The following RUNDC3B variants were observed in gnomAD, a reference collection of about 807,000 sequenced individuals.
The protein encoded by RUNDC3B is RUN domain containing 3B, also known as RUN domain-containing protein 3B.
In RUNDC3B, 33 loss-of-function variants were observed where a neutral mutation model predicts 58.4. That is an observed-to-expected ratio of 0.56 (90% CI 0.43 to 0.75). The LOEUF (loss-of-function observed/expected upper bound fraction) is 0.75, where lower values mean the gene tolerates loss of function less well. Ranked by LOEUF, RUNDC3B falls within the 30% of genes least tolerant of loss-of-function variation. The pLI, the probability that RUNDC3B is intolerant of heterozygous loss-of-function variation, is 0.00. For missense variants in RUNDC3B, 501 were observed against 535.7 expected, an observed-to-expected ratio of 0.94 and a Z score of 0.64; for synonymous variants, 193 against 195.2, an observed-to-expected ratio of 0.99 and a Z score of 0.10.
In RUNDC3B at chr7:87,820,503, A is replaced by G. The variant is rs949935674; in HGVS notation, c.1225+4241A>G. ...ATTCCTTCTGAAACTATTCCAATCA[A>G]TAGAAAAAGAGAGAATCCTCCCTAA... On this transcript the variant is annotated intron_variant, in intron 10 of 10. Transcript: ENST00000394654. 2.0e-5 allele frequency among the ~76,000 whole-genome samples: 3 copies of G among 152,192 alleles called. No homozygotes were observed. In the South Asian group the frequency reaches 6.2e-4, roughly 31 times the overall value.
chr7:87,649,513 G>A (rs1335287451), intron 1 of RUNDC3B, among the ~76,000 whole-genome samples: 1 of 152,132 alleles, frequency 6.6e-6, no homozygotes, highest in African/African-American at 2.4e-5. Flanking sequence ...GTTTGTGCTA[G>A]GAATATGCAG....
chr7:87,787,056 G>A (rs1426467954), intron 8 of RUNDC3B, among the ~76,000 whole-genome samples: 1 of 152,066 alleles, frequency 6.6e-6, no homozygotes. Context: ...TAGGCATAAG[G>A]CATAAATTGG....
In RUNDC3B at chr7:87,720,542, A is replaced by ATGTGTGTGTG. The variant is rs3028189; in HGVS notation, c.458+9911_458+9920dup. On this transcript the variant is annotated intron_variant, in intron 4 of 10. Coordinates refer to ENST00000394654, the MANE Select transcript of RUNDC3B (RefSeq NM_001134405.2). ...CAAATTTAAGCAGAAGATAGGATAT[A>ATGTGTGTGTG]TGTGTGTGTGTGTGTGTGTGTGTGT... Among the ~76,000 whole-genome samples the ATGTGTGTGTG allele has an allele frequency of 6.1e-3, 885 of 145,256 alleles. 3 individuals carry two copies. Among genetic ancestry groups the ATGTGTGTGTG allele is most frequent in the Non-Finnish European group, 9.0e-3 (594 of 66,222 alleles).
intron 9 of RUNDC3B, among the ~76,000 whole-genome samples, chr7:87,808,430 T>A (rs537644326): frequency 6.6e-6 from 1 of 152,176 alleles, no homozygotes; most frequent in South Asian, 2.1e-4. Flanking sequence ...ACAAGGAATA[T>A]TTTAGTACAA....
chr7:87,736,196 T>C (rs1350281371), intron 4 of RUNDC3B, among the ~76,000 whole-genome samples: 1 of 152,172 alleles, frequency 6.6e-6, no homozygotes, highest in East Asian at 1.9e-4. Flanking sequence ...TAATGAAATT[T>C]CTTTGGTTTA....
chr7:87,825,368 T>G (rs1353952900), intron 10 of RUNDC3B, among the ~76,000 whole-genome samples: 1 of 152,156 alleles, frequency 6.6e-6, no homozygotes, highest in Non-Finnish European at 1.5e-5. Flanking sequence ...CCACGTGGTG[T>G]TGAGCCTGCA....
chr7:87,711,288 T>C (rs1830060951), intron 4 of RUNDC3B, among the ~76,000 whole-genome samples: 1 of 151,938 alleles, frequency 6.6e-6, no homozygotes, highest in South Asian at 2.1e-4. Context: ...ATTGAGCCAT[T>C]GCACCGCAGC....
At chr7:87,683,479 C>T (rs1331275211) in intron 2 of RUNDC3B, among the ~76,000 whole-genome samples, 1 of 152,058 alleles carries the variant, frequency 6.6e-6, no homozygotes, top group East Asian at 1.9e-4. Context: ...ACTTAGAGGC[C>T]ATTATAGGAT....
intron 4 of RUNDC3B, among the ~76,000 whole-genome samples, chr7:87,730,089 T>A (rs1471732326): frequency 6.6e-6 from 1 of 152,144 alleles, no homozygotes; most frequent in African/African-American, 2.4e-5. Context: ...ACCCAGGCAG[T>A]TCTCACCACA....
intron 9 of RUNDC3B, 73 bp from the exon 10 acceptor site, chr7:87,816,068 C>T: frequency 5.7e-6 from 6 of 1,055,428 alleles, no homozygotes; most frequent in Non-Finnish European, 8.5e-6. Context: ...TATTGAAAAC[C>T]ATTAAATAAC....
In RUNDC3B at chr7:87,686,476, A is replaced by G. The variant is rs370249589; in HGVS notation, c.239-13945A>G. Among the ~76,000 whole-genome samples the G allele has an allele frequency of 4.6e-5, 7 of 152,322 alleles. No homozygotes were observed. In the East Asian group the frequency reaches 1.3e-3, roughly 29 times the overall value. On this transcript the variant is annotated intron_variant, in intron 2 of 10. Transcript: ENST00000394654. ...GAAAATTACAGTTCTTTAAAATGTC[A>G]TCTGTGACTTTGATTATTTATGGAC...
At chr7:87,758,285 G>A (rs1020048838) in intron 6 of RUNDC3B, among the ~76,000 whole-genome samples, 6 of 152,142 alleles carry the variant, frequency 3.9e-5, no homozygotes, top group Non-Finnish European at 7.4e-5. Flanking sequence ...TTGTGCCACT[G>A]CATTCCAGCC....
At chr7:87,645,490 A>G (rs1460057732) in intron 1 of RUNDC3B, among the ~76,000 whole-genome samples, 1 of 152,128 alleles carries the variant, frequency 6.6e-6, no homozygotes, top group Non-Finnish European at 1.5e-5. Flanking sequence ...CAAAATCTTA[A>G]TTATAAGTCT....
At chr7:87,689,308 A>G (rs1335430053) in intron 2 of RUNDC3B, among the ~76,000 whole-genome samples, 1 of 152,050 alleles carries the variant, frequency 6.6e-6, no homozygotes, top group Non-Finnish European at 1.5e-5. Context: ...TTATCTGTTT[A>G]TAGCCCTTTG....
rs2028026 is a variant in RUNDC3B at position 87,709,151 on chromosome 7, A to G, written c.373-1419A>G. ...CAGGATTCCATACACATTCAAATAC[A>G]GGAAACTAAATGCAGCCCAGTTTTG... is the stretch of plus-strand genomic sequence containing the variant. On this transcript the variant is annotated intron_variant, in intron 3 of 10. Transcript: ENST00000394654. 596 of 530,102 alleles carry G rather than the reference A, an allele frequency of 1.1e-3. 15 individuals are homozygous for G. In the Admixed American group the frequency reaches 0.033, roughly 30 times the overall value. The allele number at this position is 530,102 out of a possible 1,614,324, so 32.8% of individuals were successfully genotyped here. A position where few individuals can be genotyped will look rare whatever the true frequency, so the allele number is the denominator to read the frequency against.
intron 8 of RUNDC3B, among the ~76,000 whole-genome samples, chr7:87,793,857 CA>C (rs923358646): frequency 7.2e-5 from 11 of 151,942 alleles, no homozygotes; most frequent in Non-Finnish European, 1.6e-4. Flanking sequence ...GGGAAAGAAA[CA>C]AAGGTCATCC....
intron 4 of RUNDC3B, among the ~76,000 whole-genome samples, chr7:87,730,222 G>T (rs1831497708): frequency 6.6e-6 from 1 of 152,158 alleles, no homozygotes; most frequent in African/African-American, 2.4e-5. Flanking sequence ...AGGGGACTTT[G>T]TCTTAGAGAT....
In RUNDC3B at chr7:87,832,273, G is replaced by A. The variant is rs1379172324; in HGVS notation, c.*2243G>A. 6.6e-6 allele frequency: 1 copy of A among 151,914 alleles called. No individual in the cohort carries two copies. Among genetic ancestry groups the A allele is most frequent in the Non-Finnish European group, 1.5e-5 (1 of 67,912 alleles). The allele number at this position is 151,914 out of a possible 1,614,324, so 9.4% of individuals were successfully genotyped here. On this transcript the variant is annotated 3_prime_UTR_variant, in exon 11 of 11. Transcript: ENST00000394654. ...TTGATGCGTACTATACTTGTTGCAT[G>A]TATATTAAAAATTTTGTACTATGCA...
intron 2 of RUNDC3B, among the ~76,000 whole-genome samples, chr7:87,675,247 C>A (rs1826209626): frequency 6.6e-6 from 1 of 152,200 alleles, no homozygotes; most frequent in Admixed American, 6.5e-5. Flanking sequence ...AATGCCTTCC[C>A]TCCAAAGATC....
Sources: gnomAD v4.1 joint callset for allele counts (sites outside exome capture counted in the v4.1 genomes callset) on GRCh38, gnomAD v4.1.1 for gene constraint, MANE v1.5 for transcripts, NCBI Gene and HGNC (gene_info 2026-07-23, HGNC 2026-07-21) for gene names.